Variants in EYA1 observed in about 807,000 individuals in gnomAD.
The protein encoded by EYA1 is protein phosphatase EYA1.
In EYA1, 16 loss-of-function variants were observed where a neutral mutation model predicts 82.0. That is an observed-to-expected ratio of 0.20 (90% CI 0.13 to 0.30). The LOEUF (loss-of-function observed/expected upper bound fraction) is 0.30. Ranked by LOEUF, EYA1 falls within the 10% of genes least tolerant of loss-of-function variation. The pLI is 1.00. For synonymous variants in EYA1, 261 were observed against 264.4 expected, an observed-to-expected ratio of 0.99 and a Z score of 0.12; for missense variants, 633 against 730.7, an observed-to-expected ratio of 0.87 and a Z score of 1.54.
chr8:71,488,953 T>G (rs1810785255), intron 2 of EYA1, among the ~76,000 whole-genome samples: 1 of 152,236 alleles, frequency 6.6e-6, no homozygotes, highest in African/African-American at 2.4e-5. Flanking sequence ...TGTTGAGGGC[T>G]TTCTAAGAAA....
intron 2 of EYA1, among the ~76,000 whole-genome samples, chr8:71,489,597 G>A: frequency 6.6e-6 from 1 of 152,288 alleles, no homozygotes; most frequent in South Asian, 2.1e-4. Context: ...ACAGTTCTAG[G>A]TAGACAGCAG....
intron 17 of EYA1, 80 bp from the exon 18 acceptor site, chr8:71,199,500 T>C: frequency 1.2e-6 from 1 of 860,506 alleles, no homozygotes; most frequent in Non-Finnish European, 1.9e-6. Context: ...TCCACTCCCA[T>C]GCTGACCCCC....
intron 3 of EYA1, among the ~76,000 whole-genome samples, chr8:71,334,548 G>A (rs1458153791): frequency 6.6e-6 from 1 of 152,162 alleles, no homozygotes; most frequent in African/African-American, 2.4e-5. Context: ...AGAGTCAAAA[G>A]GATAGAACAG....
chr8:71,400,679 C>T (rs892783834), intron 2 of EYA1, among the ~76,000 whole-genome samples: 1 of 152,194 alleles, frequency 6.6e-6, no homozygotes, highest in Non-Finnish European at 1.5e-5. Flanking sequence ...TGCTTTTACA[C>T]TGTTGGTGGG....
intron 12 of EYA1, among the ~76,000 whole-genome samples, chr8:71,227,704 C>G (rs905258580): frequency 3.3e-5 from 5 of 152,248 alleles, no homozygotes; most frequent in Non-Finnish European, 7.4e-5. Flanking sequence ...TCCCACTCCT[C>G]CTAAAATCAT....
chr8:71,368,890 C>T (rs1350041590), intron 2 of EYA1, among the ~76,000 whole-genome samples: 1 of 151,898 alleles, frequency 6.6e-6, no homozygotes, highest in Non-Finnish European at 1.5e-5. Context: ...AGACATTTCA[C>T]ATTAAGATCT....
At chr8:71,502,748 G>A (rs887151866) in intron 2 of EYA1, among the ~76,000 whole-genome samples, 1 of 152,194 alleles carries the variant, frequency 6.6e-6, no homozygotes, top group Non-Finnish European at 1.5e-5. Flanking sequence ...CAGGCACCCA[G>A]TAACAGCCTT....
At chr8:71,248,214 T>C (rs1813336053) in intron 11 of EYA1, among the ~76,000 whole-genome samples, 1 of 152,228 alleles carries the variant, frequency 6.6e-6, no homozygotes, top group Admixed American at 6.5e-5. Context: ...ACAGTTTTTA[T>C]ACCTGCCACT....
At chr8:71,267,457 T>A (rs938191222) in intron 11 of EYA1, among the ~76,000 whole-genome samples, 8 of 152,166 alleles carry the variant, frequency 5.3e-5, no homozygotes, top group African/African-American at 1.9e-4. Flanking sequence ...CCCCATAAAC[T>A]TATCAATGAA....
chr8:71,388,544 C>T (rs1392732526), intron 2 of EYA1, among the ~76,000 whole-genome samples: 3 of 152,190 alleles, frequency 2.0e-5, no homozygotes, highest in Admixed American at 6.5e-5. Context: ...GAGGACCTTT[C>T]TGGAACTATG....
At chr8:71,426,661 T>G (rs564596744) in intron 2 of EYA1, among the ~76,000 whole-genome samples, 1 of 152,338 alleles carries the variant, frequency 6.6e-6, no homozygotes, top group Admixed American at 6.5e-5. Flanking sequence ...AATCACCAGG[T>G]TTGCAAAATA....
At chr8:71,532,093 G>A (rs1814328302) in intron 2 of EYA1, among the ~76,000 whole-genome samples, 1 of 152,128 alleles carries the variant, frequency 6.6e-6, no homozygotes, top group Non-Finnish European at 1.5e-5. Context: ...TAGGAATATT[G>A]CACTTTTCAG....
intron 7 of EYA1, among the ~76,000 whole-genome samples, chr8:71,315,825 A>G (rs1821869647): frequency 6.6e-6 from 1 of 152,200 alleles, no homozygotes; most frequent in Admixed American, 6.5e-5. Context: ...AATAAATGCT[A>G]TCTGTTATAA....
chr8:71,320,692 G>A (rs1822441731), intron 6 of EYA1, among the ~76,000 whole-genome samples: 1 of 152,036 alleles, frequency 6.6e-6, no homozygotes, highest in South Asian at 2.1e-4. Context: ...TATTTTATAA[G>A]AAATTCATAT....
At chr8:71,493,088 A>G (rs1811141050) in intron 2 of EYA1, among the ~76,000 whole-genome samples, 1 of 152,228 alleles carries the variant, frequency 6.6e-6, no homozygotes, top group Non-Finnish European at 1.5e-5. Flanking sequence ...TGCAAAGGAC[A>G]TGGTCTTGTT....
upstream of EYA1, among the ~76,000 whole-genome samples, chr8:71,365,717 T>C (rs2129084078): frequency 6.6e-6 from 1 of 152,306 alleles, no homozygotes; most frequent in African/African-American, 2.4e-5. Context: ...GCTGACACTA[T>C]GATCCTTGTT....
chr8:71,213,363 G>A (rs1002478957), intron 16 of EYA1, among the ~76,000 whole-genome samples: 2 of 151,986 alleles, frequency 1.3e-5, no homozygotes, highest in African/African-American at 2.4e-5. Flanking sequence ...GGGCTGCTTC[G>A]GCATTTGTTC....
chr8:71,294,830 T>G (rs1479448009), intron 9 of EYA1, among the ~76,000 whole-genome samples: 1 of 152,152 alleles, frequency 6.6e-6, no homozygotes, highest in Non-Finnish European at 1.5e-5. Flanking sequence ...ACTGTCTGAC[T>G]TTAGGACTTA....
chr8:71,331,737 C>A (rs935592470), intron 4 of EYA1, among the ~76,000 whole-genome samples: 1 of 152,098 alleles, frequency 6.6e-6, no homozygotes, highest in Non-Finnish European at 1.5e-5. Context: ...TCTCAAGACA[C>A]GTTTTAAAAA....
Sources: gnomAD v4.1 joint callset for allele counts (sites outside exome capture counted in the v4.1 genomes callset) on GRCh38, gnomAD v4.1.1 for gene constraint, MANE v1.5 for transcripts, NCBI Gene and HGNC (gene_info 2026-07-23, HGNC 2026-07-21) for gene names.